PLD1: variants seen among roughly 807,000 people sequenced by gnomAD.
The protein encoded by PLD1 is phospholipase D1, also known as choline phosphatase 1.
In PLD1, 112 loss-of-function variants were observed where a neutral mutation model predicts 137.1. The observed-to-expected ratio is 0.82, with a 90% confidence interval of 0.70 to 0.96. PLD1 has a LOEUF of 0.96. PLD1 is among the 40% of genes least tolerant of loss of function. The probability of loss-of-function intolerance (pLI) is 0.00; values close to 1 mark genes in which losing one functional copy is unlikely to be tolerated. For missense variants in PLD1, 1,321 were observed against 1,342.0 expected (o/e 0.98, Z 0.24); for synonymous variants, 431 against 454.7 (o/e 0.95, Z 0.66).
Position 171,621,182 on chromosome 3 carries a change from A to G in PLD1, c.2594-662T>C, listed in dbSNP as rs1017719143. Among the ~76,000 whole-genome samples, 11 of 152,196 alleles carry G rather than the reference A, an allele frequency of 7.2e-5. 1 individual carries two copies. The highest frequency in any genetic ancestry group is 1.3e-4 in the Non-Finnish European group (9 of 68,036). On this transcript the variant is annotated intron_variant, in intron 23 of 26. Transcript: ENST00000351298. ...AATTTTCTTCAGAGCAAGCAGCACC[A>G]GGTTTGTACTTCAAAATATTGCCAT... is the stretch of plus-strand genomic sequence containing the variant.
chr3:171,642,387 G>A (rs1252775918), intron 23 of PLD1, among the ~76,000 whole-genome samples: 1 of 150,126 alleles, frequency 6.7e-6, no homozygotes, highest in Non-Finnish European at 1.5e-5. Flanking sequence ...AACCCAGGAG[G>A]CGGAGGTTGC....
chr3:171,635,712 TG>T (rs1347490567), intron 23 of PLD1, among the ~76,000 whole-genome samples: 4 of 152,178 alleles, frequency 2.6e-5, no homozygotes, highest in East Asian at 3.9e-4. Flanking sequence ...TCTCATTCTG[TG>T]GGGTGTTTTC....
intron 1 of PLD1, among the ~76,000 whole-genome samples, chr3:171,762,318 A>T (rs763174588): frequency 1.2e-4 from 18 of 152,196 alleles, no homozygotes; most frequent in Non-Finnish European, 2.6e-4. Flanking sequence ...TTATATCCAA[A>T]AACATCTCTT....
chr3:171,764,828 AAAGAAAG>A (rs1560287835), intron 1 of PLD1, among the ~76,000 whole-genome samples: 3,451 of 25,816 alleles, frequency 0.13, 1,218 homozygotes, highest in Middle Eastern at 0.16. Flanking sequence ...AAAGAAAGAG[AAAGAAAG>A]AAAGAAAGAA....
At chr3:171,727,896 C>G (rs974828100) in intron 6 of PLD1, among the ~76,000 whole-genome samples, 3 of 152,170 alleles carry the variant, frequency 2.0e-5, no homozygotes, top group Non-Finnish European at 4.4e-5. Flanking sequence ...GCATTTTTCT[C>G]TTTTCTTGGG....
chr3:171,709,990 G>C (rs1461827004), intron 9 of PLD1, among the ~76,000 whole-genome samples: 1 of 152,162 alleles, frequency 6.6e-6, no homozygotes, highest in Non-Finnish European at 1.5e-5. Context: ...AAGAAAGAGG[G>C]GTAAGGTGAG....
chr3:171,625,589 G>A (rs1237910564), intron 23 of PLD1, among the ~76,000 whole-genome samples: 1 of 152,202 alleles, frequency 6.6e-6, no homozygotes, highest in East Asian at 1.9e-4. Flanking sequence ...GAAGCTAACT[G>A]GGAGGCACCC....
intron 23 of PLD1, among the ~76,000 whole-genome samples, chr3:171,632,762 G>A (rs1264098257): frequency 6.6e-6 from 1 of 152,130 alleles, no homozygotes; most frequent in Non-Finnish European, 1.5e-5. Context: ...ATTTTTTTAA[G>A]ATTAATGATA....
chr3:171,625,403 G>A (rs569820172), intron 23 of PLD1, among the ~76,000 whole-genome samples: 4 of 152,374 alleles, frequency 2.6e-5, no homozygotes, highest in African/African-American at 9.6e-5. Context: ...GCCTGCCTCT[G>A]TAGGCCCCAC....
chr3:171,711,203 G>A (rs1259132671), intron 9 of PLD1, among the ~76,000 whole-genome samples: 1 of 82,440 alleles, frequency 1.2e-5, no homozygotes, highest in African/African-American at 4.8e-5. Flanking sequence ...ATGGAGTCTT[G>A]CTTTGTCACC....
chr3:171,705,840 G>A (rs1226540723), intron 11 of PLD1, among the ~76,000 whole-genome samples: 1 of 152,122 alleles, frequency 6.6e-6, no homozygotes, highest in Non-Finnish European at 1.5e-5. Flanking sequence ...TCTAAGATAG[G>A]TGTCAACAAA....
chr3:171,810,390 G>A lies in PLD1; in HGVS notation c.-32+9C>T, dbSNP rs1339786579. On this transcript the variant is annotated intron_variant, in intron 1 of 26. Transcript: ENST00000351298. Reference sequence around the variant, plus strand: ...CGCCCGGTGATCCGGGTCTCGGCGCGGCTCCTACCTGCAGGGCGAAGGGGC... The same window carrying A: ...CGCCCGGTGATCCGGGTCTCGGCGCAGCTCCTACCTGCAGGGCGAAGGGGC... 1.3e-5 allele frequency: 2 copies of A among 152,318 alleles called. No homozygotes were observed. Among genetic ancestry groups the A allele is most frequent in the East Asian group, 1.9e-4 (1 of 5,190 alleles). 9.4% of individuals were successfully genotyped at this position (152,318 alleles called of 1,614,324 possible). A position where few individuals can be genotyped will look rare whatever the true frequency, so the allele number is the denominator to read the frequency against.
intron 11 of PLD1, among the ~76,000 whole-genome samples, chr3:171,707,751 G>A (rs1578324321): frequency 6.6e-6 from 1 of 152,114 alleles, no homozygotes; most frequent in Non-Finnish European, 1.5e-5. Flanking sequence ...AGTGGATGCC[G>A]CTAAACACCC....
intron 22 of PLD1, among the ~76,000 whole-genome samples, chr3:171,643,802 T>C (rs1735975664): frequency 6.6e-6 from 1 of 152,114 alleles, no homozygotes; most frequent in Non-Finnish European, 1.5e-5. Flanking sequence ...AGTCCAAGTA[T>C]ATAGGCCAAA....
At chr3:171,747,074 T>C (rs1048306529) in intron 1 of PLD1, among the ~76,000 whole-genome samples, 3 of 152,004 alleles carry the variant, frequency 2.0e-5, no homozygotes, top group East Asian at 3.9e-4. Context: ...GCTGTGGCAC[T>C]CAAGGAGCAG....
chr3:171,699,870 T>A, intron 11 of PLD1, 44 bp from the exon 12 acceptor site: 1 of 1,486,388 alleles, frequency 6.7e-7, no homozygotes, highest in Non-Finnish European at 9.4e-7. Context: ...AAACAAAATA[T>A]AAAGTTCTGA....
At chr3:171,758,293 A>G (rs1721166709) in intron 1 of PLD1, among the ~76,000 whole-genome samples, 1 of 152,210 alleles carries the variant, frequency 6.6e-6, no homozygotes, top group Non-Finnish European at 1.5e-5. Context: ...GGGTGGCAGA[A>G]AGATGACCGC....
intron 1 of PLD1, among the ~76,000 whole-genome samples, chr3:171,790,262 C>T (rs1723163454): frequency 6.6e-6 from 1 of 152,178 alleles, no homozygotes; most frequent in South Asian, 2.1e-4. Context: ...GACTGGTTGC[C>T]CTGTGGATTT....
chr3:171,626,395 C>CA (rs1297879078), intron 23 of PLD1, among the ~76,000 whole-genome samples: 3 of 152,112 alleles, frequency 2.0e-5, no homozygotes, highest in Admixed American at 1.3e-4. Flanking sequence ...CTGAAAGTGA[C>CA]AGGGAGAATG....
Sources: allele counts gnomAD v4.1 joint callset (sites outside exome capture counted in the v4.1 genomes callset), GRCh38; gene constraint gnomAD v4.1.1; transcripts MANE v1.5; gene names NCBI Gene and HGNC (gene_info 2026-07-23, HGNC 2026-07-21).